Variants in ADAMTS16 observed in about 807,000 individuals in gnomAD.
ADAMTS16 encodes A disintegrin and metalloproteinase with thrombospondin motifs 16.
Under a neutral mutation model 145.8 loss-of-function variants are expected in ADAMTS16, and 94 were observed. That is an observed-to-expected ratio of 0.64 (90% CI 0.55 to 0.77). The LOEUF is 0.77. Ranked by LOEUF, ADAMTS16 falls within the 30% of genes least tolerant of loss-of-function variation. The pLI is 0.00. For synonymous variants in ADAMTS16, 659 were observed against 604.3 expected, an observed-to-expected ratio of 1.09 and a Z score of -1.33; for missense variants, 1,585 against 1,591.5, an observed-to-expected ratio of 1.00 and a Z score of 0.07.
Position 5,276,546 on chromosome 5 carries a change from C to A in ADAMTS16, c.2789+13763C>A, listed in dbSNP as rs114452412. Among the ~76,000 whole-genome samples, 433 of 152,276 alleles carry A rather than the reference C, an allele frequency of 2.8e-3. 2 individuals carry two copies. The highest frequency in any genetic ancestry group is 0.01 in the African/African-American group (419 of 41,566). ...ACTGAAGATTAAATCTTTTTGCAGA[C>A]CTATGATGCAGAGTTCCTAGATTTT... On this transcript the variant is annotated intron_variant, in intron 18 of 22. Coordinates refer to ENST00000274181, the MANE Select transcript of ADAMTS16 (RefSeq NM_139056.4).
At chr5:5,242,386 C>T (rs900369203) in intron 17 of ADAMTS16, among the ~76,000 whole-genome samples, 195 bp downstream of exon 17, 1 of 152,216 alleles carries the variant, frequency 6.6e-6, no homozygotes, top group Non-Finnish European at 1.5e-5. Flanking sequence ...AGTCTATCTG[C>T]TTCAGTGTGT....
intron 11 of ADAMTS16, among the ~76,000 whole-genome samples, chr5:5,227,817 G>C (rs1736813777): frequency 6.6e-6 from 1 of 152,144 alleles, no homozygotes; most frequent in Non-Finnish European, 1.5e-5. Flanking sequence ...AATTGCAACA[G>C]TCATTATCAC....
intron 9 of ADAMTS16, among the ~76,000 whole-genome samples, chr5:5,204,442 G>A (rs1408748551): frequency 6.6e-6 from 1 of 152,140 alleles, no homozygotes; most frequent in East Asian, 1.9e-4. Context: ...TCAAGATACA[G>A]AGTGTGGTAG....
chr5:5,305,589 CA>C (rs1360004710), intron 20 of ADAMTS16, among the ~76,000 whole-genome samples: 1 of 152,132 alleles, frequency 6.6e-6, no homozygotes, highest in African/African-American at 2.4e-5. Flanking sequence ...AGGCCTGGAT[CA>C]GCGAGCAACC....
Position 5,262,587 on chromosome 5 carries a change from G to A in ADAMTS16, c.2663-70G>A, listed in dbSNP as rs1738070108. On this transcript the variant is annotated intron_variant, in intron 17 of 22. Transcript: ENST00000274181. ...AGATTCTTTGAAAGAGATTTTATTAGCTCATCATCTGCCTTTTACTGTGGG... is the reference window on the plus strand; with the variant it reads ...AGATTCTTTGAAAGAGATTTTATTAACTCATCATCTGCCTTTTACTGTGGG... 14 of 1,541,784 alleles carry A rather than the reference G, an allele frequency of 9.1e-6. 1 individual carries two copies. In the South Asian group the frequency reaches 1.8e-4, roughly 20 times the overall value.
chr5:5,278,991 T>C (rs1246675589), intron 18 of ADAMTS16, among the ~76,000 whole-genome samples: 5 of 152,088 alleles, frequency 3.3e-5, no homozygotes, highest in Admixed American at 2.0e-4. Context: ...AGGTTGTAGG[T>C]AGACTGAATA....
At chr5:5,228,965 CT>C (rs1736843315) in intron 11 of ADAMTS16, among the ~76,000 whole-genome samples, 1 of 152,254 alleles carries the variant, frequency 6.6e-6, no homozygotes, top group Admixed American at 6.5e-5. Flanking sequence ...CAAGTTACTT[CT>C]TCCTTCCTTT....
chr5:5,216,669 A>G (rs1055772507), intron 10 of ADAMTS16, among the ~76,000 whole-genome samples: 7 of 148,246 alleles, frequency 4.7e-5, no homozygotes, highest in Admixed American at 1.4e-4. Context: ...GGTTAGTTAC[A>G]TATGTATACA....
chr5:5,143,348 CATTT>C (rs1734214237), intron 2 of ADAMTS16, among the ~76,000 whole-genome samples: 1 of 152,126 alleles, frequency 6.6e-6, no homozygotes, highest in South Asian at 2.1e-4. Flanking sequence ...CAAAAGAAGA[CATTT>C]ATGCGGCCAA....
At chr5:5,267,251 T>C (rs188680161) in intron 18 of ADAMTS16, among the ~76,000 whole-genome samples, 3 of 152,290 alleles carry the variant, frequency 2.0e-5, no homozygotes, top group East Asian at 3.9e-4. Flanking sequence ...TGTTACGGTG[T>C]GCTCTTCTAA....
intron 3 of ADAMTS16, among the ~76,000 whole-genome samples, chr5:5,172,844 A>G (rs1192059440): frequency 2.6e-5 from 4 of 152,016 alleles, no homozygotes; most frequent in Non-Finnish European, 5.9e-5. Flanking sequence ...CTATTTTTTC[A>G]TTGGGATCTA....
chr5:5,285,428 C>T (rs1363700635), intron 18 of ADAMTS16, among the ~76,000 whole-genome samples: 3 of 152,226 alleles, frequency 2.0e-5, no homozygotes, highest in Admixed American at 6.5e-5. Context: ...ATGTTCCAAA[C>T]TCGGGTGCAG....
chr5:5,238,920 C>T (rs1737199503), intron 14 of ADAMTS16, among the ~76,000 whole-genome samples: 1 of 152,212 alleles, frequency 6.6e-6, no homozygotes, highest in Non-Finnish European at 1.5e-5. Flanking sequence ...TGTAACAATA[C>T]TAAAGAGGAC....
chr5:5,316,712 G>A, intron 21 of ADAMTS16, among the ~76,000 whole-genome samples: 1 of 152,098 alleles, frequency 6.6e-6, no homozygotes, highest in Non-Finnish European at 1.5e-5. Context: ...AGCAAAATAA[G>A]CCCCAGCAGC....
At chr5:5,209,416 G>A (rs1002012380) in intron 10 of ADAMTS16, among the ~76,000 whole-genome samples, 170 bp downstream of exon 10, 3 of 152,188 alleles carry the variant, frequency 2.0e-5, no homozygotes, top group Admixed American at 1.3e-4. Context: ...TGGCAAAGAA[G>A]ACGACAGGAG....
At chr5:5,314,232 G>C (rs1733941456) in intron 21 of ADAMTS16, among the ~76,000 whole-genome samples, 1 of 152,184 alleles carries the variant, frequency 6.6e-6, no homozygotes, top group Non-Finnish European at 1.5e-5. Flanking sequence ...GGTGAATAAA[G>C]AGAGGGACTT....
At chr5:5,279,323 G>C (rs73039191) in intron 18 of ADAMTS16, among the ~76,000 whole-genome samples, 9,200 of 152,308 alleles carry the variant, frequency 0.06, 482 homozygotes, top group African/African-American at 0.15. Context: ...TTCCCCAGGA[G>C]TTTTAGCGTA....
At chr5:5,299,843 G>A (rs545636541) in intron 18 of ADAMTS16, among the ~76,000 whole-genome samples, 3 of 152,322 alleles carry the variant, frequency 2.0e-5, no homozygotes, top group Admixed American at 6.5e-5. Flanking sequence ...AAGCGAGAAC[G>A]CTTGTGGCCA....
At chr5:5,281,314 G>T (rs1738897468) in intron 18 of ADAMTS16, among the ~76,000 whole-genome samples, 1 of 151,906 alleles carries the variant, frequency 6.6e-6, no homozygotes, top group African/African-American at 2.4e-5. Context: ...GATGATAAAA[G>T]GTTTTTAAAA....
Sources: allele counts gnomAD v4.1 joint callset (sites outside exome capture counted in the v4.1 genomes callset), GRCh38; gene constraint gnomAD v4.1.1; transcripts MANE v1.5; gene names NCBI Gene and HGNC (gene_info 2026-07-23, HGNC 2026-07-21).